The following LARGE1 variants were observed in gnomAD, a reference collection of about 807,000 sequenced individuals.
LARGE1 encodes the protein LARGE xylosyl- and glucuronyltransferase 1, also known as xylosyl- and glucuronyltransferase LARGE1.
LARGE1 carries 43 observed loss-of-function variants against 87.6 expected under a neutral mutation model. That is an observed-to-expected ratio of 0.49 (90% CI 0.38 to 0.63). The LOEUF (loss-of-function observed/expected upper bound fraction) is 0.63. Ranked by LOEUF, LARGE1 falls within the 30% of genes least tolerant of loss-of-function variation. The pLI is 0.00. For missense variants in LARGE1, 802 were observed against 1,000.2 expected, an observed-to-expected ratio of 0.80 and a Z score of 2.67; for synonymous variants, 434 against 394.6, an observed-to-expected ratio of 1.10 and a Z score of -1.18.
chr22:33,268,841 G>C (rs1928096998), downstream of LARGE1, among the ~76,000 whole-genome samples: 1 of 152,154 alleles, frequency 6.6e-6, no homozygotes, highest in African/African-American at 2.4e-5. Context: ...CCCACATATT[G>C]AATCATCTCA....
chr22:33,915,245 C>T (rs2065753088), intron 1 of LARGE1, among the ~76,000 whole-genome samples: 1 of 152,146 alleles, frequency 6.6e-6, no homozygotes, highest in Non-Finnish European at 1.5e-5. Flanking sequence ...CCAAGAAACA[C>T]ACATATGCAC....
At chr22:33,251,597 G>T (rs548430639) in intron 11 of LARGE1, among the ~76,000 whole-genome samples, 7 of 152,272 alleles carry the variant, frequency 4.6e-5, no homozygotes, top group Non-Finnish European at 8.8e-5. Context: ...GGTAATAAAG[G>T]TGGCATTTTG....
chr22:33,802,159 G>C (rs2086181866), intron 1 of LARGE1, among the ~76,000 whole-genome samples: 1 of 152,082 alleles, frequency 6.6e-6, no homozygotes, highest in Admixed American at 6.6e-5. Context: ...AGGTAAATCA[G>C]AAACAAAAGA....
chr22:33,429,710 G>A (rs568926931), intron 7 of LARGE1, among the ~76,000 whole-genome samples: 1 of 152,260 alleles, frequency 6.6e-6, no homozygotes, highest in South Asian at 2.1e-4. Context: ...GGGTTTTCCT[G>A]AGACTTCCTT....
chr22:33,892,112 G>A (rs373667826), intron 1 of LARGE1, among the ~76,000 whole-genome samples: 80 of 152,220 alleles, frequency 5.3e-4, no homozygotes, highest in African/African-American at 1.4e-3. Flanking sequence ...CAGGATTCAC[G>A]TCTGAATCAT....
intron 2 of LARGE1, among the ~76,000 whole-genome samples, chr22:33,745,912 A>T (rs1345632676): frequency 6.6e-6 from 1 of 152,184 alleles, no homozygotes; most frequent in East Asian, 1.9e-4. Flanking sequence ...ACTAACCAGG[A>T]GGGAGCGACC....
intron 2 of LARGE1, among the ~76,000 whole-genome samples, chr22:33,760,997 G>T (rs1327172275): frequency 6.6e-6 from 1 of 151,594 alleles, no homozygotes. Flanking sequence ...CCACCACCAC[G>T]ATGTTGAATG....
intron 11 of LARGE1, among the ~76,000 whole-genome samples, chr22:33,214,721 G>A (rs1331685549): frequency 6.6e-6 from 1 of 152,196 alleles, no homozygotes; most frequent in Non-Finnish European, 1.5e-5. Flanking sequence ...TGTGCATGCA[G>A]GATTTTCCTT....
chr22:33,347,370 T>C (rs1046059943), intron 9 of LARGE1, among the ~76,000 whole-genome samples: 8 of 152,238 alleles, frequency 5.3e-5, no homozygotes, highest in African/African-American at 1.9e-4. Context: ...ACGCAGTTAG[T>C]ATTCAGTAGC....
Position 33,296,660 on chromosome 22 carries a change from C to T in LARGE1, c.1730+7569G>A, listed in dbSNP as rs142745574. On this transcript the variant is annotated intron_variant, in intron 12 of 14. Coordinates refer to ENST00000397394, the MANE Select transcript of LARGE1 (RefSeq NM_133642.5). The stretch of plus-strand genomic sequence containing the variant: ...CTCATCTCACCGCAATGTCTGCCTC[C>T]GAGGTTCAAGCGATTTTCCTGCCTC... 1.3e-3 allele frequency among the ~76,000 whole-genome samples: 197 copies of T among 151,568 alleles called. 4 individuals are homozygous for T. Among genetic ancestry groups the T allele is most frequent in the Non-Finnish European group, 1.5e-3 (104 of 67,910 alleles).
intron 11 of LARGE1, among the ~76,000 whole-genome samples, chr22:33,228,209 T>A (rs1480968011): frequency 6.6e-6 from 1 of 152,246 alleles, no homozygotes; most frequent in Non-Finnish European, 1.5e-5. Context: ...GCCTGGCACA[T>A]AGGTAAGAGC....
At chr22:33,219,035 C>T (rs1219464244) in intron 11 of LARGE1, among the ~76,000 whole-genome samples, 1 of 152,250 alleles carries the variant, frequency 6.6e-6, no homozygotes. Flanking sequence ...AAGGAGCCCA[C>T]CGTAAAGAAA....
intron 2 of LARGE1, among the ~76,000 whole-genome samples, chr22:33,739,931 C>G (rs896254696): frequency 2.0e-5 from 3 of 152,170 alleles, no homozygotes; most frequent in Non-Finnish European, 2.9e-5. Flanking sequence ...TAGAAAGACA[C>G]AGCTGATTTT....
chr22:33,219,208 C>G (rs569611794), intron 11 of LARGE1, among the ~76,000 whole-genome samples: 1 of 152,284 alleles, frequency 6.6e-6, no homozygotes, highest in Admixed American at 6.5e-5. Flanking sequence ...TGGAACTAGG[C>G]TTCAGACTGA....
Position 33,310,570 on chromosome 22 carries a change from C to T in LARGE1, c.1451+5515G>A, listed in dbSNP as rs899249754. On this transcript the variant is annotated intron_variant, in intron 11 of 14. Transcript: ENST00000397394. ...GTACGGGAGTGCGAAGGCCGGCTCTCCTAATTCGTTGTGGCATTCACGTAG... is the reference window on the plus strand; with the variant it reads ...GTACGGGAGTGCGAAGGCCGGCTCTTCTAATTCGTTGTGGCATTCACGTAG... Among the ~76,000 whole-genome samples the T allele has an allele frequency of 7.2e-5, 11 of 152,128 alleles. 1 individual carries two copies. The highest frequency in any genetic ancestry group is 2.7e-4 in the African/African-American group (11 of 41,428).
intron 5 of LARGE1, among the ~76,000 whole-genome samples, chr22:33,565,293 A>G (rs191631332): frequency 8.1e-4 from 124 of 152,350 alleles, no homozygotes; most frequent in Admixed American, 1.7e-3. Flanking sequence ...ATTTTTAAAT[A>G]AAACTTTTGT....
intron 1 of LARGE1, among the ~76,000 whole-genome samples, chr22:33,829,535 G>A (rs913197068): frequency 3.9e-5 from 6 of 152,084 alleles, no homozygotes; most frequent in African/African-American, 1.4e-4. Flanking sequence ...GCACACAGTA[G>A]GTGCTCAATA....
At chr22:33,731,271 C>T (rs565855555) in intron 2 of LARGE1, among the ~76,000 whole-genome samples, 2 of 151,078 alleles carry the variant, frequency 1.3e-5, no homozygotes, top group East Asian at 3.9e-4. Flanking sequence ...CCAAAGTGCT[C>T]GGATTACAGG....
intron 1 of LARGE1, among the ~76,000 whole-genome samples, chr22:33,766,798 C>G (rs1386841163): frequency 2.0e-5 from 3 of 151,300 alleles, no homozygotes; most frequent in Admixed American, 6.6e-5. Flanking sequence ...TCCTTCAGTC[C>G]AAAGCAATAA....
Sources: allele counts gnomAD v4.1 joint callset (sites outside exome capture counted in the v4.1 genomes callset), GRCh38; gene constraint gnomAD v4.1.1; transcripts MANE v1.5; gene names NCBI Gene and HGNC (gene_info 2026-07-23, HGNC 2026-07-21).